GAS2: variants seen among roughly 807,000 people sequenced by gnomAD.
GAS2 encodes the protein growth arrest specific 2.
Under a neutral mutation model 37.5 loss-of-function variants are expected in GAS2, and 20 were observed. That is an observed-to-expected ratio of 0.53 (90% CI 0.37 to 0.77). The LOEUF is 0.77. GAS2 is among the 30% of genes least tolerant of loss of function. GAS2 has a pLI of 0.00. For missense variants in GAS2, 336 were observed against 373.4 expected (o/e 0.90, Z 0.82); for synonymous variants, 144 against 132.2 (o/e 1.09, Z -0.61).
At chr11:22,798,426 G>A (rs966007055) in intron 7 of GAS2, among the ~76,000 whole-genome samples, 3 of 151,968 alleles carry the variant, frequency 2.0e-5, no homozygotes, top group Non-Finnish European at 4.4e-5. Context: ...ATTTATTCTG[G>A]TCATACAGCA....
At chr11:22,772,854 C>T (rs1041451097) in intron 7 of GAS2, among the ~76,000 whole-genome samples, 6 of 152,234 alleles carry the variant, frequency 3.9e-5, no homozygotes, top group African/African-American at 1.2e-4. Flanking sequence ...AGTTTAAATG[C>T]AGTAAAATCA....
chr11:22,728,460 C>A (rs762552443), intron 4 of GAS2, among the ~76,000 whole-genome samples: 1 of 151,556 alleles, frequency 6.6e-6, no homozygotes, highest in African/African-American at 2.4e-5. Context: ...TCAGGAAGAA[C>A]TTTTAGATGG....
intron 1 of GAS2, among the ~76,000 whole-genome samples, chr11:22,652,977 T>TTGTCTTTCTTTCTG (rs1554965866): frequency 4.1e-4 from 42 of 101,362 alleles, no homozygotes; most frequent in Non-Finnish European, 8.0e-4. Flanking sequence ...CTTTCTTTCT[T>TTGTCTTTCTTTCTG]TGTCTTTCTT....
intron 7 of GAS2, among the ~76,000 whole-genome samples, chr11:22,784,519 A>G (rs1855732878): frequency 6.6e-6 from 1 of 152,164 alleles, no homozygotes. Context: ...TAGAATGGAT[A>G]TAGAAATAAC....
intron 3 of GAS2, 30 bp from the exon 4 acceptor site, chr11:22,726,262 T>A (rs774237352): frequency 1.4e-5 from 22 of 1,578,620 alleles, no homozygotes; most frequent in Non-Finnish European, 1.8e-5. Flanking sequence ...TTGACAGATT[T>A]CTCCTAGAAC....
At chr11:22,757,413 A>G (rs1347429524) in intron 7 of GAS2, among the ~76,000 whole-genome samples, 2 of 152,140 alleles carry the variant, frequency 1.3e-5, no homozygotes, top group African/African-American at 2.4e-5. Flanking sequence ...GATTTGCTGT[A>G]CTGAAAAAAT....
At chr11:22,694,602 T>C (rs11026734) in intron 3 of GAS2, among the ~76,000 whole-genome samples, 2,723 of 152,314 alleles carry the variant, frequency 0.018, 95 homozygotes, top group African/African-American at 0.062. Flanking sequence ...TTCTAATTCC[T>C]TTATCTATAT....
chr11:22,771,957 C>T (rs1855000967), intron 7 of GAS2, among the ~76,000 whole-genome samples: 1 of 152,026 alleles, frequency 6.6e-6, no homozygotes, highest in African/African-American at 2.4e-5. Flanking sequence ...ATTAATTATT[C>T]TGACAGTTCA....
At chr11:22,671,912 C>G (rs551498432) in intron 1 of GAS2, among the ~76,000 whole-genome samples, 5 of 152,112 alleles carry the variant, frequency 3.3e-5, no homozygotes, top group Non-Finnish European at 7.4e-5. Flanking sequence ...TTAGCCAAAT[C>G]TAAATCCAAG....
At chr11:22,780,657 A>T (rs535491955) in intron 7 of GAS2, among the ~76,000 whole-genome samples, 31 of 151,958 alleles carry the variant, frequency 2.0e-4, no homozygotes, top group Non-Finnish European at 4.0e-4. Flanking sequence ...CTTCTTCATC[A>T]TAAAATTCCA....
intron 1 of GAS2, among the ~76,000 whole-genome samples, chr11:22,672,129 G>C (rs1007027100): frequency 4.6e-5 from 7 of 152,106 alleles, no homozygotes; most frequent in Non-Finnish European, 8.8e-5. Context: ...TCTATTGCAT[G>C]TTAATTACTC....
intron 3 of GAS2, among the ~76,000 whole-genome samples, chr11:22,719,142 A>G (rs1851827303): frequency 6.6e-6 from 1 of 152,134 alleles, no homozygotes; most frequent in African/African-American, 2.4e-5. Context: ...GGTAATTAAA[A>G]TATTCATCAC....
At chr11:22,646,909 C>G (rs1325583008) in intron 1 of GAS2, among the ~76,000 whole-genome samples, 1 of 149,296 alleles carries the variant, frequency 6.7e-6, no homozygotes, top group East Asian at 2.0e-4. Context: ...TTCCTTCTTT[C>G]TTTCTTTTTT....
At chr11:22,717,958 C>A (rs1187145726) in intron 3 of GAS2, among the ~76,000 whole-genome samples, 3 of 151,840 alleles carry the variant, frequency 2.0e-5, no homozygotes, top group East Asian at 1.9e-4. Flanking sequence ...ATTTAAAAAT[C>A]AAAAAATAAT....
intron 3 of GAS2, among the ~76,000 whole-genome samples, chr11:22,716,761 A>T (rs1044851138): frequency 6.6e-6 from 1 of 152,162 alleles, no homozygotes; most frequent in Admixed American, 6.6e-5. Context: ...AAGACTCCTT[A>T]AAAAACTCCT....
At chr11:22,793,175 G>C (rs1358125006) in intron 7 of GAS2, among the ~76,000 whole-genome samples, 1 of 152,168 alleles carries the variant, frequency 6.6e-6, no homozygotes, top group Non-Finnish European at 1.5e-5. Context: ...TAGAGAGCCT[G>C]AGGCGGGAGA....
intron 4 of GAS2, among the ~76,000 whole-genome samples, chr11:22,734,034 T>C (rs1852618800): frequency 6.6e-6 from 1 of 151,746 alleles, no homozygotes; most frequent in African/African-American, 2.4e-5. Context: ...GTGCTTAAAA[T>C]GAGTAGTACA....
chr11:22,799,344 G>C (rs571158382), intron 7 of GAS2, among the ~76,000 whole-genome samples: 38 of 152,174 alleles, frequency 2.5e-4, no homozygotes, highest in South Asian at 4.1e-4. Flanking sequence ...ATTTATTACT[G>C]CTGTAAACCA....
intron 3 of GAS2, among the ~76,000 whole-genome samples, chr11:22,709,194 G>A (rs1343115232): frequency 7.4e-6 from 1 of 135,226 alleles, no homozygotes; most frequent in Non-Finnish European, 1.7e-5. Context: ...AGAGGTGAAT[G>A]CACAGCATGG....
Sources: gnomAD v4.1 joint callset for allele counts (sites outside exome capture counted in the v4.1 genomes callset) on GRCh38, gnomAD v4.1.1 for gene constraint, MANE v1.5 for transcripts, NCBI Gene and HGNC (gene_info 2026-07-23, HGNC 2026-07-21) for gene names.